Variants in MGAT4C observed in about 807,000 individuals in gnomAD.
MGAT4C encodes the protein alpha-1,3-mannosyl-glycoprotein 4-beta-N-acetylglucosaminyltransferase C.
A neutral mutation model predicts 40.1 loss-of-function variants in MGAT4C; 19 were observed. The ratio of observed to expected loss-of-function variants is 0.47; its 90% CI spans 0.33 to 0.70. The LOEUF (loss-of-function observed/expected upper bound fraction) is 0.70, where lower values mean the gene tolerates loss of function less well. Ranked by LOEUF, MGAT4C falls within the 30% of genes least tolerant of loss-of-function variation. The pLI is 0.02. For synonymous variants in MGAT4C, 181 were observed against 187.1 expected, an observed-to-expected ratio of 0.97 and a Z score of 0.27; for missense variants, 491 against 563.2, an observed-to-expected ratio of 0.87 and a Z score of 1.30.
chr12:86,642,341 T>C (rs1438796948), intron 2 of MGAT4C, among the ~76,000 whole-genome samples: 2 of 151,852 alleles, frequency 1.3e-5, no homozygotes, highest in African/African-American at 4.8e-5. Context: ...TTCTTTTCCA[T>C]TGGCAACACT....
intron 2 of MGAT4C, among the ~76,000 whole-genome samples, chr12:86,602,549 T>C (rs1961824009): frequency 6.6e-6 from 1 of 152,206 alleles, no homozygotes; most frequent in South Asian, 2.1e-4. Context: ...AAATTGTTAA[T>C]AGACCAGTAA....
At chr12:86,201,885 G>T (rs1408339113) in intron 1 of MGAT4C, among the ~76,000 whole-genome samples, 2 of 151,980 alleles carry the variant, frequency 1.3e-5, no homozygotes, top group African/African-American at 4.8e-5. Flanking sequence ...TAAATTCATT[G>T]CTATGATTTT....
intron 2 of MGAT4C, among the ~76,000 whole-genome samples, chr12:85,998,903 G>A (rs1264554064): frequency 1.3e-5 from 2 of 151,980 alleles, no homozygotes; most frequent in African/African-American, 2.4e-5. Flanking sequence ...TTTCAGCAGC[G>A]CTCCCCACTC....
At chr12:86,077,812 C>T (rs1044526673) in intron 1 of MGAT4C, among the ~76,000 whole-genome samples, 1 of 152,174 alleles carries the variant, frequency 6.6e-6, no homozygotes, top group Non-Finnish European at 1.5e-5. Context: ...CACACTCTTC[C>T]TTACCTCTGT....
At chr12:86,165,779 A>G (rs1886126251) in intron 1 of MGAT4C, among the ~76,000 whole-genome samples, 1 of 152,178 alleles carries the variant, frequency 6.6e-6, no homozygotes, top group Admixed American at 6.5e-5. Flanking sequence ...AAACACTATA[A>G]TTAGAAAATG....
At chr12:86,428,376 T>C (rs184894754) in intron 3 of MGAT4C, among the ~76,000 whole-genome samples, 11 of 152,234 alleles carry the variant, frequency 7.2e-5, no homozygotes, top group Non-Finnish European at 1.3e-4. Flanking sequence ...AGGAGCATAA[T>C]AGAAAAGAAT....
chr12:86,592,770 T>C (rs1961382628), intron 2 of MGAT4C, among the ~76,000 whole-genome samples: 2 of 152,292 alleles, frequency 1.3e-5, no homozygotes, highest in East Asian at 1.9e-4. Context: ...TTTGCTTCTC[T>C]AAATTTTCCA....
intron 3 of MGAT4C, among the ~76,000 whole-genome samples, chr12:86,396,708 G>A (rs945296175): frequency 2.6e-5 from 4 of 152,070 alleles, no homozygotes; most frequent in Non-Finnish European, 5.9e-5. Flanking sequence ...ATGCCATTAT[G>A]TATTTTACTT....
In MGAT4C at chr12:86,774,281, C is replaced by CTCGCTCTTTCTT. The variant is rs1555227734; in HGVS notation, c.-261-47041_-261-47040insAAGAAAGAGCGA. Among the ~76,000 whole-genome samples, 394 of 58,972 alleles carry CTCGCTCTTTCTT rather than the reference C, an allele frequency of 6.7e-3. 4 individuals are homozygous for CTCGCTCTTTCTT. The highest frequency in any genetic ancestry group is 1.0e-2 in the Non-Finnish European group (289 of 28,914). 38.7% of individuals were successfully genotyped at this position (58,972 alleles called of 152,430 possible). On this transcript the variant is annotated intron_variant, in intron 1 of 7. Transcript: ENST00000548651. ...CTTAAAAAGTAACTTCTAAGGCTTG[C>CTCGCTCTTTCTT]TCTTTCTTTCTTTCTTTCTTTCTTT...
rs1292351276 is a variant in MGAT4C at position 85,964,703 on chromosome 12, G to A, written c.*14586C>T. 2.0e-5 allele frequency: 3 copies of A among 151,982 alleles called. No individual in the cohort carries two copies. Among genetic ancestry groups the A allele is most frequent in the African/African-American group, 4.8e-5 (2 of 41,376 alleles). The allele number at this position is 151,982 out of a possible 1,614,324, so 9.4% of individuals were successfully genotyped here. ...TGTAGCTTAGTTTTAAGTTTTTCTC[G>A]GCTGTTTCCTCTGACAGTTCTGTGG... On this transcript the variant is annotated 3_prime_UTR_variant, in exon 5 of 5. Coordinates refer to ENST00000611864, the MANE Select transcript of MGAT4C (RefSeq NM_001351288.2).
intron 1 of MGAT4C, among the ~76,000 whole-genome samples, chr12:86,823,032 T>TA (rs1267759003): frequency 2.0e-5 from 3 of 150,294 alleles, no homozygotes; most frequent in Non-Finnish European, 4.5e-5. Context: ...CAACACACTG[T>TA]AACAACCACT....
chr12:86,552,048 A>C (rs374582791), intron 2 of MGAT4C, among the ~76,000 whole-genome samples: 3 of 151,874 alleles, frequency 2.0e-5, no homozygotes, highest in South Asian at 4.1e-4. Context: ...AAAAACCAAA[A>C]AACAGACACT....
intron 4 of MGAT4C, among the ~76,000 whole-genome samples, chr12:86,269,138 C>T (rs1053189476): frequency 6.8e-6 from 1 of 147,810 alleles, no homozygotes; most frequent in Non-Finnish European, 1.5e-5. Flanking sequence ...GTGAGCTCCT[C>T]ATAGGCCTTC....
At chr12:86,076,829 G>C (rs1177295786) in intron 1 of MGAT4C, among the ~76,000 whole-genome samples, 1 of 152,036 alleles carries the variant, frequency 6.6e-6, no homozygotes, top group Non-Finnish European at 1.5e-5. Flanking sequence ...GATTTGGGTG[G>C]AGACATAGCC....
intron 2 of MGAT4C, among the ~76,000 whole-genome samples, chr12:86,590,299 A>T (rs1961272201): frequency 6.6e-6 from 1 of 151,934 alleles, no homozygotes; most frequent in Non-Finnish European, 1.5e-5. Context: ...CACAATTATT[A>T]GGCATGAGAC....
chr12:86,462,794 A>C (rs1016845565), intron 2 of MGAT4C, among the ~76,000 whole-genome samples: 13 of 152,182 alleles, frequency 8.5e-5, no homozygotes, highest in Non-Finnish European at 1.9e-4. Context: ...TGAGACCGGA[A>C]GACTCAGCAT....
intron 1 of MGAT4C, among the ~76,000 whole-genome samples, chr12:86,229,608 T>C (rs535221588): frequency 6.6e-6 from 1 of 152,002 alleles, no homozygotes; most frequent in Non-Finnish European, 1.5e-5. Context: ...CTATACATAA[T>C]AGAGTAATGA....
chr12:86,158,423 G>A (rs1328796417), intron 1 of MGAT4C, among the ~76,000 whole-genome samples: 1 of 152,016 alleles, frequency 6.6e-6, no homozygotes, highest in African/African-American at 2.4e-5. Flanking sequence ...TCTAAACTAG[G>A]CATAAAATAT....
chr12:86,355,945 A>C (rs1056977939), intron 3 of MGAT4C, among the ~76,000 whole-genome samples: 8 of 152,182 alleles, frequency 5.3e-5, no homozygotes, highest in African/African-American at 1.9e-4. Flanking sequence ...TTTTCAAAGT[A>C]TGTAGATGAA....
Sources: allele counts gnomAD v4.1 joint callset (sites outside exome capture counted in the v4.1 genomes callset), GRCh38; gene constraint gnomAD v4.1.1; transcripts MANE v1.5; gene names NCBI Gene and HGNC (gene_info 2026-07-23, HGNC 2026-07-21).